The following SDK1 variants were observed in gnomAD, a reference collection of about 807,000 sequenced individuals.
SDK1 encodes protein sidekick-1.
SDK1 carries 157 observed loss-of-function variants against 245.5 expected under a neutral mutation model. The ratio of observed to expected loss-of-function variants is 0.64; its 90% CI spans 0.56 to 0.73. SDK1 has a LOEUF of 0.73. Ranked by LOEUF, SDK1 falls within the 30% of genes least tolerant of loss-of-function variation. The pLI is 0.00. For missense variants in SDK1, 3,583 were observed against 3,002.3 expected (o/e 1.19, Z -4.52); for synonymous variants, 1,647 against 1,278.5 (o/e 1.29, Z -6.15).
intron 22 of SDK1, among the ~76,000 whole-genome samples, chr7:4,083,008 A>G (rs1322132459): frequency 2.6e-5 from 4 of 152,204 alleles, no homozygotes; most frequent in African/African-American, 9.7e-5. Flanking sequence ...TGGTTTTGAT[A>G]AAAGTAGGAT....
chr7:3,558,414 C>T (rs1779653711), intron 1 of SDK1, among the ~76,000 whole-genome samples: 1 of 152,232 alleles, frequency 6.6e-6, no homozygotes, highest in African/African-American at 2.4e-5. Context: ...TTGACCAGTC[C>T]TGCAGTCTGA....
intron 1 of SDK1, among the ~76,000 whole-genome samples, chr7:3,417,224 G>C (rs1020116089): frequency 6.6e-6 from 1 of 152,094 alleles, no homozygotes; most frequent in African/African-American, 2.4e-5. Context: ...TGCAGGCTGA[G>C]GTTCTAGTTT....
intron 1 of SDK1, among the ~76,000 whole-genome samples, chr7:3,351,265 A>G (rs1214487738): frequency 6.6e-6 from 1 of 152,184 alleles, no homozygotes; most frequent in African/African-American, 2.4e-5. Flanking sequence ...AGAATTTAGG[A>G]AAGTTATATT....
intron 12 of SDK1, among the ~76,000 whole-genome samples, chr7:3,973,199 C>T (rs10233690): frequency 2.6e-5 from 4 of 152,158 alleles, no homozygotes; most frequent in South Asian, 2.1e-4. Flanking sequence ...CAGCCAGATG[C>T]GATGCCCCGG....
intron 4 of SDK1, among the ~76,000 whole-genome samples, chr7:3,701,752 T>G (rs569886965): frequency 6.6e-6 from 1 of 152,168 alleles, no homozygotes; most frequent in South Asian, 2.1e-4. Flanking sequence ...TAATAAAAAC[T>G]GTGATATTGT....
Position 4,265,634 on chromosome 7 carries a change from T to C in SDK1, c.*250T>C. ...TTTTCTTTTTAAGAGAAGGTGTATT[T>C]CACTGGTGCAATGGCTTGGCACCTC... On this transcript the variant is annotated 3_prime_UTR_variant, in exon 45 of 45. Coordinates refer to ENST00000404826, the MANE Select transcript of SDK1 (RefSeq NM_152744.4). The C allele has an allele frequency of 7.7e-7, 1 of 1,305,082 alleles. No homozygotes were observed. Among genetic ancestry groups the C allele is most frequent in the Non-Finnish European group, 9.7e-7 (1 of 1,033,910 alleles). 80.8% of individuals were successfully genotyped at this position (1,305,082 alleles called of 1,614,324 possible). A position where few individuals can be genotyped will look rare whatever the true frequency, so the allele number is the denominator to read the frequency against.
intron 5 of SDK1, among the ~76,000 whole-genome samples, chr7:3,842,198 A>G (rs928418874): frequency 3.3e-5 from 5 of 152,168 alleles, no homozygotes; most frequent in Non-Finnish European, 7.3e-5. Flanking sequence ...GTGGGCAGAG[A>G]TGTGAGCAGT....
chr7:4,160,025 A>C (rs532220356), intron 31 of SDK1, among the ~76,000 whole-genome samples: 6 of 152,306 alleles, frequency 3.9e-5, no homozygotes, highest in African/African-American at 1.4e-4. Flanking sequence ...GTTACATGCA[A>C]ATACTGCACC....
At chr7:3,550,551 C>G (rs933862202) in intron 1 of SDK1, among the ~76,000 whole-genome samples, 1 of 152,302 alleles carries the variant, frequency 6.6e-6, no homozygotes, top group East Asian at 1.9e-4. Flanking sequence ...CCGTGGAATA[C>G]TTCTTTGCCT....
chr7:3,505,970 CTACAA>C (rs1196639714), intron 1 of SDK1, among the ~76,000 whole-genome samples: 13 of 152,078 alleles, frequency 8.5e-5, no homozygotes, highest in African/African-American at 3.1e-4. Context: ...GTTATAAGCT[CTACAA>C]TACATTTTTA....
chr7:3,369,359 G>C (rs1781167682), intron 1 of SDK1, among the ~76,000 whole-genome samples: 1 of 152,112 alleles, frequency 6.6e-6, no homozygotes, highest in East Asian at 1.9e-4. Context: ...AATTCTTACT[G>C]AAACAGTCAT....
At chr7:3,462,780 C>T (rs1223280020) in intron 1 of SDK1, among the ~76,000 whole-genome samples, 1 of 152,182 alleles carries the variant, frequency 6.6e-6, no homozygotes, top group Non-Finnish European at 1.5e-5. Flanking sequence ...CTGTCATCAT[C>T]TCTTTCTTGG....
intron 41 of SDK1, 97 bp from the exon 42 acceptor site, chr7:4,237,550 C>G (rs905148708): frequency 2.8e-6 from 4 of 1,406,658 alleles, no homozygotes; most frequent in Admixed American, 1.8e-5. Context: ...TGGGAGTTAT[C>G]TACCCCAGCC....
At chr7:3,849,957 A>G (rs1780377637) in intron 5 of SDK1, among the ~76,000 whole-genome samples, 1 of 152,230 alleles carries the variant, frequency 6.6e-6, no homozygotes, top group African/African-American at 2.4e-5. Context: ...TGGAAGAATA[A>G]TATGTATTTT....
chr7:4,071,079 G>A (rs967936748), intron 20 of SDK1, among the ~76,000 whole-genome samples: 1 of 151,970 alleles, frequency 6.6e-6, no homozygotes, highest in Admixed American at 6.6e-5. Context: ...AGGTTGGAGT[G>A]CAGTGGTGTG....
intron 2 of SDK1, among the ~76,000 whole-genome samples, chr7:3,626,114 T>G (rs1447561965): frequency 6.6e-6 from 1 of 151,156 alleles, no homozygotes; most frequent in Non-Finnish European, 1.5e-5. Context: ...TAGCTATTTT[T>G]TTTTTTTTAG....
At chr7:3,444,963 G>C (rs1264523415) in intron 1 of SDK1, among the ~76,000 whole-genome samples, 4 of 152,122 alleles carry the variant, frequency 2.6e-5, no homozygotes, top group Non-Finnish European at 5.9e-5. Context: ...GAAAAATTTT[G>C]AAAGATGAGT....
At chr7:4,251,880 G>A (rs939483666) in intron 44 of SDK1, among the ~76,000 whole-genome samples, 3 of 152,128 alleles carry the variant, frequency 2.0e-5, no homozygotes, top group Admixed American at 2.0e-4. Context: ...GTTGAGTTTG[G>A]TGAGTGTTTT....
chr7:4,247,847 A>AC (rs1786996151), intron 44 of SDK1, among the ~76,000 whole-genome samples: 1 of 151,734 alleles, frequency 6.6e-6, no homozygotes, highest in South Asian at 2.1e-4. Context: ...ACCCAGCCAG[A>AC]CCCCCGTGTC....
Sources: allele counts gnomAD v4.1 joint callset (sites outside exome capture counted in the v4.1 genomes callset), GRCh38; gene constraint gnomAD v4.1.1; transcripts MANE v1.5; gene names NCBI Gene and HGNC (gene_info 2026-07-23, HGNC 2026-07-21).